The following CSNK2A2 variants were observed in gnomAD, a reference collection of about 807,000 sequenced individuals.
CSNK2A2 encodes the protein casein kinase II subunit alpha'.
Under a neutral mutation model 54.0 loss-of-function variants are expected in CSNK2A2, and 8 were observed. The ratio of observed to expected loss-of-function variants is 0.15; its 90% CI spans 0.09 to 0.27. CSNK2A2 has a LOEUF of 0.27. Ranked by LOEUF, CSNK2A2 falls within the 10% of genes least tolerant of loss-of-function variation. The probability of loss-of-function intolerance (pLI) is 1.00; values close to 1 mark genes in which losing one functional copy is unlikely to be tolerated. For synonymous variants in CSNK2A2, 141 were observed against 153.9 expected (o/e 0.92, Z 0.62); for missense variants, 242 against 439.4 (o/e 0.55, Z 4.02).
In CSNK2A2 at chr16:58,178,896, A is replaced by ATTC. The variant is rs1274868527; in HGVS notation, c.370-4387_370-4386insGAA. 7.9e-5 allele frequency among the ~76,000 whole-genome samples: 12 copies of ATTC among 152,350 alleles called. No individual in the cohort carries two copies. The East Asian group carries it at 1.9e-3, about 24-fold the overall frequency. ...CAACAAATTCCAAATAATTAACATT[A>ATTC]TATAGGTCACGTTCTCTGAACATAG... On this transcript the variant is annotated intron_variant, in intron 4 of 11. Coordinates refer to ENST00000262506, the MANE Select transcript of CSNK2A2 (RefSeq NM_001896.4).
At position 58,197,438 on chromosome 16, in the gene CSNK2A2, G is replaced by A. The variant is rs1047882594; in HGVS notation, c.104+195C>T. On this transcript the variant is annotated intron_variant, in intron 1 of 11. Transcript: ENST00000262506. The surrounding 1 kb of genome is among the most constrained non-coding windows in gnomAD (Gnocchi z 4.0). ...TGGGGGAAAGGGGTGCGCAAAGCGG[G>A]GAGAAAGGGACGAAACGGGGGTAAA... Among the ~76,000 whole-genome samples, 3 of 152,184 alleles carry A rather than the reference G, an allele frequency of 2.0e-5. No homozygotes were observed. The South Asian group carries it at 6.2e-4, about 32-fold the overall frequency.
chr16:58,186,871 A>G lies in CSNK2A2; in HGVS notation c.217-15T>C. ...TTCTTCACTGGCTTAAATACACAAG[A>G]GTAATCAGAAGTGAGACTCCTTTTG... is the stretch of plus-strand genomic sequence containing the variant. On this transcript the variant is annotated splice_polypyrimidine_tract_variant and intron_variant, in intron 2 of 11. Coordinates refer to ENST00000262506, the MANE Select transcript of CSNK2A2 (RefSeq NM_001896.4). 6.3e-7 allele frequency: 1 copy of G among 1,579,412 alleles called. No homozygotes were observed. Among genetic ancestry groups the G allele is most frequent in the Non-Finnish European group, 8.7e-7 (1 of 1,150,650 alleles).
Position 58,168,627 on chromosome 16 carries a change from C to T in CSNK2A2, c.496G>A (p.Asp166Asn). The change falls in exon 6 of 12, where the codon GAT becomes AAT. Residue 166 changes from aspartate to asparagine, a missense_variant. Physicochemically the swap from Asp to Asn is conservative, Grantham distance 23. Around this residue, in one of 5 missense-constraint regions of CSNK2A2, gnomAD observed 40 missense variants for 128.7 expected, o/e 0.31. Transcript: ENST00000262506. ...AATGGTACCTTTTTCTGTTGGTGAT[C>T]TATCATGACATTGTGAGGTTTCACA... The part of the protein sequence containing the change: ...RDVKPHNVMI[D>N]HQQKKLRLID... 2 of 1,613,914 alleles carry T rather than the reference C, an allele frequency of 1.2e-6. No individual in the cohort carries two copies. The highest frequency in any genetic ancestry group is 1.7e-6 in the Non-Finnish European group (2 of 1,179,828).
At chr16:58,182,842 C>T (rs1387637189) in intron 4 of CSNK2A2, among the ~76,000 whole-genome samples, 1 of 152,182 alleles carries the variant, frequency 6.6e-6, no homozygotes, top group Non-Finnish European at 1.5e-5. Flanking sequence ...TAGTACCCTA[C>T]CAGCTAAGCG....
chr16:58,166,782 T>A, intron 8 of CSNK2A2, 98 bp from the exon 9 acceptor site: 1 of 830,732 alleles, frequency 1.2e-6, no homozygotes, highest in Non-Finnish European at 2.0e-6. Flanking sequence ...TCCACACCAC[T>A]AAACCTCTAG....
intron 2 of CSNK2A2, among the ~76,000 whole-genome samples, chr16:58,191,252 T>C (rs1482586983): frequency 6.6e-6 from 1 of 152,204 alleles, no homozygotes; most frequent in Non-Finnish European, 1.5e-5. Flanking sequence ...TGGATAGAGT[T>C]TCCATTTTAC....
chr16:58,182,714 G>C (rs1454226888), intron 4 of CSNK2A2, among the ~76,000 whole-genome samples: 1 of 152,104 alleles, frequency 6.6e-6, no homozygotes, highest in Non-Finnish European at 1.5e-5. Context: ...TTTTGCATTA[G>C]GAAAATATTT....
At position 58,197,559 on chromosome 16, in the gene CSNK2A2, G is replaced by C. The variant is rs1232011610; in HGVS notation, c.104+74C>G. The C allele has an allele frequency of 9.7e-7, 1 of 1,027,320 alleles. No individual in the cohort carries two copies. Among genetic ancestry groups the C allele is most frequent in the Admixed American group, 2.5e-5 (1 of 40,218 alleles). The allele number at this position is 1,027,320 out of a possible 1,614,324, so 63.6% of individuals were successfully genotyped here. A position where few individuals can be genotyped will look rare whatever the true frequency, so the allele number is the denominator to read the frequency against. On this transcript the variant is annotated intron_variant, in intron 1 of 11. Transcript: ENST00000262506. This position sits in a 1 kb window ranked among gnomAD's most constrained non-coding sequence, Gnocchi z 4.0. ...GTCGGCGGGAGACACCACCGGGCCC[G>C]AGTGCGGTTCGCAGGGGGTGGCCGG...
In CSNK2A2 at chr16:58,197,746, G is replaced by A; in HGVS notation, c.-10C>T. On this transcript the variant is annotated 5_prime_UTR_variant, in exon 1 of 12. Coordinates refer to ENST00000262506, the MANE Select transcript of CSNK2A2 (RefSeq NM_001896.4). The surrounding 1 kb of genome is among the most constrained non-coding windows in gnomAD (Gnocchi z 4.0). ...CGGCCGGGCCGGGCATGGCGGGCGGGACCGGGGGGCGGCGCGGGGCGCAGA... is the reference window on the plus strand; with the variant it reads ...CGGCCGGGCCGGGCATGGCGGGCGGAACCGGGGGGCGGCGCGGGGCGCAGA... 3.2e-6 allele frequency: 4 copies of A among 1,264,606 alleles called. No homozygotes were observed. Among genetic ancestry groups the A allele is most frequent in the Non-Finnish European group, 4.0e-6 (4 of 987,912 alleles). 78.3% of individuals were successfully genotyped at this position (1,264,606 alleles called of 1,614,324 possible). A position where few individuals can be genotyped will look rare whatever the true frequency, so the allele number is the denominator to read the frequency against.
chr16:58,183,215 T>TA (rs59962018), intron 4 of CSNK2A2, among the ~76,000 whole-genome samples: 36,672 of 146,032 alleles, frequency 0.25, 4,916 homozygotes, highest in African/African-American at 0.34. Flanking sequence ...ATTTAAAAAT[T>TA]AAAAAAAAAA....
At position 58,187,952 on chromosome 16, in the gene CSNK2A2, G is replaced by A. The variant is rs560607747; in HGVS notation, c.217-1096C>T. Among the ~76,000 whole-genome samples the A allele has an allele frequency of 9.2e-5, 14 of 151,628 alleles. No homozygotes were observed. The South Asian group carries it at 2.7e-3, about 29-fold the overall frequency. ...GGAAAAAAGAGTATTTTATCACTGA[G>A]ACACTGTTATAATAGCAGAGGCAAA... is the stretch of plus-strand genomic sequence containing the variant. On this transcript the variant is annotated intron_variant, in intron 2 of 11. Coordinates refer to ENST00000262506, the MANE Select transcript of CSNK2A2 (RefSeq NM_001896.4).
At chr16:58,188,222 C>T (rs529882108) in intron 2 of CSNK2A2, among the ~76,000 whole-genome samples, 3 of 152,210 alleles carry the variant, frequency 2.0e-5, no homozygotes, top group Admixed American at 6.5e-5. Flanking sequence ...GCTCTCGCTG[C>T]GTCCTTGTGA....
intron 6 of CSNK2A2, 117 bp from the exon 7 acceptor site, chr16:58,167,912 G>C: frequency 1.3e-6 from 1 of 746,780 alleles, no homozygotes; most frequent in Non-Finnish European, 2.3e-6. Context: ...ATGTGAGCAG[G>C]TGCACTGGCT....
rs1162198781 is a variant in CSNK2A2, at chr16:58,197,454, C to A, written c.104+179G>T. On this transcript the variant is annotated intron_variant, in intron 1 of 11. Coordinates refer to ENST00000262506, the MANE Select transcript of CSNK2A2 (RefSeq NM_001896.4). This position sits in a 1 kb window ranked among gnomAD's most constrained non-coding sequence, Gnocchi z 4.0. ...GCAAAGCGGGGAGAAAGGGACGAAA[C>A]GGGGGTAAAGGGGAGGGAAGAGGAA... 6.6e-6 allele frequency among the ~76,000 whole-genome samples: 1 copy of A among 152,130 alleles called. No individual in the cohort carries two copies. Among genetic ancestry groups the A allele is most frequent in the East Asian group, 1.9e-4 (1 of 5,168 alleles).
chr16:58,177,613 G>A (rs1961916283), intron 4 of CSNK2A2, among the ~76,000 whole-genome samples: 1 of 152,122 alleles, frequency 6.6e-6, no homozygotes, highest in East Asian at 1.9e-4. Context: ...ATGACCTTCA[G>A]GAAGATTCAC....
intron 2 of CSNK2A2, chr16:58,192,848 G>C (rs1307576756): frequency 6.6e-6 from 1 of 152,210 alleles, no homozygotes; most frequent in Admixed American, 6.5e-5. Flanking sequence ...ACATGACGCT[G>C]AGCATATACA....
chr16:58,190,489 G>A (rs930179779), intron 2 of CSNK2A2, among the ~76,000 whole-genome samples: 1 of 152,104 alleles, frequency 6.6e-6, no homozygotes, highest in Non-Finnish European at 1.5e-5. Flanking sequence ...CTACCCTGGT[G>A]GCATCCCTAA....
intron 5 of CSNK2A2, among the ~76,000 whole-genome samples, chr16:58,173,055 T>C (rs142721856): frequency 5.9e-5 from 9 of 152,274 alleles, no homozygotes; most frequent in Non-Finnish European, 1.2e-4. Flanking sequence ...GTAGCTCTCA[T>C]GGGGTGAGAG....
At chr16:58,179,801 C>A (rs917527491) in intron 4 of CSNK2A2, among the ~76,000 whole-genome samples, 2 of 151,612 alleles carry the variant, frequency 1.3e-5, no homozygotes, top group Admixed American at 6.6e-5. Flanking sequence ...AAATCAAGGC[C>A]AGGCGTGGTG....
Sources: gnomAD v4.1 joint callset for allele counts (sites outside exome capture counted in the v4.1 genomes callset) on GRCh38, gnomAD v4.1.1 for gene constraint, gnomAD v4.1.1 regional missense constraint, Gnocchi (gnomAD v3.1) non-coding constraint, MANE v1.5 for transcripts, NCBI Gene and HGNC (gene_info 2026-07-23, HGNC 2026-07-21) for gene names.